The following IMMP2L variants were observed in gnomAD, a reference collection of about 807,000 sequenced individuals.
IMMP2L encodes the protein inner mitochondrial membrane peptidase subunit 2, also known as mitochondrial inner membrane protease subunit 2.
Under a neutral mutation model 19.3 loss-of-function variants are expected in IMMP2L, and 18 were observed. That is an observed-to-expected ratio of 0.93 (90% CI 0.64 to 1.38). The LOEUF (loss-of-function observed/expected upper bound fraction) is 1.38. Ranked by LOEUF, IMMP2L falls within the 40% of genes most tolerant of loss-of-function variation. The pLI is 0.00. For synonymous variants in IMMP2L, 76 were observed against 73.0 expected (o/e 1.04, Z -0.21); for missense variants, 233 against 218.2 (o/e 1.07, Z -0.43).
At chr7:111,400,694 G>A (rs78244414) in intron 3 of IMMP2L, among the ~76,000 whole-genome samples, 6 of 152,098 alleles carry the variant, frequency 3.9e-5, no homozygotes, top group Middle Eastern at 3.4e-3. Flanking sequence ...AGAAGATATC[G>A]GTGATGTGAA....
intron 5 of IMMP2L, among the ~76,000 whole-genome samples, chr7:110,726,378 C>A (rs958481318): frequency 3.3e-5 from 5 of 152,014 alleles, no homozygotes; most frequent in African/African-American, 1.2e-4. Context: ...GCATGGAAAT[C>A]GATTTTATCC....
chr7:111,419,445 T>C (rs577284024), intron 3 of IMMP2L, among the ~76,000 whole-genome samples: 3 of 151,814 alleles, frequency 2.0e-5, no homozygotes, highest in South Asian at 2.1e-4. Context: ...ATCTGGGAAC[T>C]GCTTAGGACA....
chr7:111,254,626 T>C (rs981418741), intron 3 of IMMP2L, among the ~76,000 whole-genome samples: 15 of 152,110 alleles, frequency 9.9e-5, no homozygotes, highest in Non-Finnish European at 1.8e-4. Context: ...AAAAATCAAG[T>C]CACATATATG....
chr7:111,360,657 A>C (rs1829173988), intron 3 of IMMP2L, among the ~76,000 whole-genome samples: 1 of 152,098 alleles, frequency 6.6e-6, no homozygotes, highest in Non-Finnish European at 1.5e-5. Flanking sequence ...ATCTCTACAA[A>C]AAATAAAAAA....
At chr7:111,404,010 C>G (rs900969655) in intron 3 of IMMP2L, among the ~76,000 whole-genome samples, 7 of 152,132 alleles carry the variant, frequency 4.6e-5, no homozygotes, top group African/African-American at 1.4e-4. Flanking sequence ...ACTAATCCAG[C>G]AGCGGCATAA....
chr7:111,387,218 G>A (rs1831851018), intron 3 of IMMP2L, among the ~76,000 whole-genome samples: 2 of 152,056 alleles, frequency 1.3e-5, no homozygotes, highest in African/African-American at 2.4e-5. Flanking sequence ...AGTACTTTGA[G>A]GATGGTTACA....
At chr7:111,493,915 G>C (rs1049081800) in intron 2 of IMMP2L, among the ~76,000 whole-genome samples, 1 of 151,250 alleles carries the variant, frequency 6.6e-6, no homozygotes, top group Non-Finnish European at 1.5e-5. Context: ...CAGGAGAATG[G>C]CGTGAACCCA....
chr7:111,107,893 C>G (rs1322634349), intron 3 of IMMP2L, among the ~76,000 whole-genome samples: 1 of 152,084 alleles, frequency 6.6e-6, no homozygotes, highest in Non-Finnish European at 1.5e-5. Flanking sequence ...GTAAATTTTA[C>G]TAGTTTCATG....
chr7:111,123,045 A>T lies in IMMP2L; in HGVS notation c.240-159480T>A. 1 of 1,613,932 alleles carries T rather than the reference A, an allele frequency of 6.2e-7. No individual in the cohort carries two copies. The highest frequency in any genetic ancestry group is 1.1e-5 in the South Asian group (1 of 91,076). On this transcript the variant is annotated intron_variant, in intron 3 of 5. Coordinates refer to ENST00000405709, the MANE Select transcript of IMMP2L (RefSeq NM_032549.4). The surrounding 1 kb of genome is among the most constrained non-coding windows in gnomAD (Gnocchi z 6.4). ...AAATTGAATACTCCACAGACTTTCC[A>T]GTAAACCTTACTGGCCTGGATTTAT... is the stretch of plus-strand genomic sequence containing the variant.
chr7:110,902,472 A>G (rs1056782600), intron 4 of IMMP2L, among the ~76,000 whole-genome samples: 1 of 117,404 alleles, frequency 8.5e-6, no homozygotes, highest in African/African-American at 3.6e-5. Context: ...TATGTCATGA[A>G]TGATAAAATA....
intron 3 of IMMP2L, among the ~76,000 whole-genome samples, chr7:111,364,655 T>G (rs1024797356): frequency 1.3e-5 from 2 of 148,992 alleles, no homozygotes; most frequent in South Asian, 2.1e-4. Context: ...AAAAAAGGAT[T>G]CATGTGAAAT....
At chr7:110,842,491 C>G (rs1446905083) in intron 5 of IMMP2L, among the ~76,000 whole-genome samples, 2 of 152,188 alleles carry the variant, frequency 1.3e-5, no homozygotes, top group African/African-American at 2.4e-5. Flanking sequence ...CTACTGTGCT[C>G]TTTGCCAAAG....
intron 3 of IMMP2L, among the ~76,000 whole-genome samples, chr7:111,159,554 TAAACA>T (rs1805025131): frequency 6.6e-6 from 1 of 152,136 alleles, no homozygotes; most frequent in African/African-American, 2.4e-5. Flanking sequence ...ATAAATTCAC[TAAACA>T]AAAGGAAGGA....
intron 3 of IMMP2L, among the ~76,000 whole-genome samples, chr7:111,430,244 T>C (rs535297081): frequency 2.0e-5 from 3 of 151,868 alleles, no homozygotes; most frequent in African/African-American, 4.9e-5. Flanking sequence ...GAAATACGTT[T>C]GAATTTTTTC....
At chr7:111,368,720 A>C (rs1243634496) in intron 3 of IMMP2L, among the ~76,000 whole-genome samples, 1 of 151,988 alleles carries the variant, frequency 6.6e-6, no homozygotes, top group African/African-American at 2.4e-5. Flanking sequence ...AACAACGACA[A>C]ATCTGTAAAA....
At chr7:110,687,051 T>C (rs1171041047) in intron 5 of IMMP2L, among the ~76,000 whole-genome samples, 1 of 152,108 alleles carries the variant, frequency 6.6e-6, no homozygotes, top group Non-Finnish European at 1.5e-5. Context: ...TCCATACAAG[T>C]TCTTCAGGGT....
At chr7:111,478,003 T>G (rs766003022) in intron 3 of IMMP2L, among the ~76,000 whole-genome samples, 1 of 152,206 alleles carries the variant, frequency 6.6e-6, no homozygotes, top group Admixed American at 6.5e-5. Context: ...TTTTTCATTC[T>G]GTGGATTGAT....
intron 5 of IMMP2L, among the ~76,000 whole-genome samples, chr7:110,807,385 A>C (rs1028557787): frequency 6.6e-6 from 1 of 152,034 alleles, no homozygotes; most frequent in Non-Finnish European, 1.5e-5. Context: ...GTGTGTTAAA[A>C]AATACAAACA....
intron 3 of IMMP2L, chr7:111,395,020 C>A: frequency 1.3e-5 from 3 of 236,634 alleles, no homozygotes; most frequent in South Asian, 1.6e-4. Context: ...TGCAGCTGTT[C>A]GCCACCTGAT....
Sources: allele counts gnomAD v4.1 joint callset (sites outside exome capture counted in the v4.1 genomes callset), GRCh38; gene constraint gnomAD v4.1.1; non-coding constraint Gnocchi (gnomAD v3.1); transcripts MANE v1.5; gene names NCBI Gene and HGNC (gene_info 2026-07-23, HGNC 2026-07-21).